AGBL4: variants seen among roughly 807,000 people sequenced by gnomAD.
AGBL4 encodes the protein AGBL carboxypeptidase 4.
In AGBL4, 58 loss-of-function variants were observed where a neutral mutation model predicts 66.4. The ratio of observed to expected loss-of-function variants is 0.87; its 90% confidence interval spans 0.71 to 1.09. The LOEUF is 1.09. Among genes scored for constraint, AGBL4 ranks in the 50% least tolerant of loss-of-function variants. AGBL4 has a pLI of 0.00. For synonymous variants in AGBL4, 234 were observed against 222.9 expected (o/e 1.05, Z -0.44); for missense variants, 579 against 631.0 (o/e 0.92, Z 0.88).
chr1:49,197,311 C>T (rs948025555), intron 4 of AGBL4, among the ~76,000 whole-genome samples: 1 of 152,166 alleles, frequency 6.6e-6, no homozygotes, highest in African/African-American at 2.4e-5. Context: ...TCCTGAGTAG[C>T]TGGGGTTGTG....
At chr1:49,120,613 T>C (rs946647961) in intron 4 of AGBL4, among the ~76,000 whole-genome samples, 2 of 152,212 alleles carry the variant, frequency 1.3e-5, no homozygotes, top group African/African-American at 4.8e-5. Context: ...CCTTTCTCTC[T>C]GGCTTCCCTT....
chr1:48,699,479 T>G (rs1052636693), intron 6 of AGBL4, among the ~76,000 whole-genome samples: 43 of 152,198 alleles, frequency 2.8e-4, no homozygotes, highest in African/African-American at 9.4e-4. Flanking sequence ...CAACCTGATG[T>G]TCAACTACCA....
chr1:49,248,595 C>G (rs927190543), intron 3 of AGBL4, among the ~76,000 whole-genome samples: 5 of 152,118 alleles, frequency 3.3e-5, no homozygotes, highest in African/African-American at 1.2e-4. Flanking sequence ...AATCCCAGTT[C>G]CCTACACGTT....
At chr1:49,027,658 C>G (rs1291120178) in intron 5 of AGBL4, among the ~76,000 whole-genome samples, 1 of 152,092 alleles carries the variant, frequency 6.6e-6, no homozygotes, top group Admixed American at 6.6e-5. Flanking sequence ...AGGCCACAAG[C>G]ACCTCTCACA....
intron 11 of AGBL4, among the ~76,000 whole-genome samples, chr1:48,573,423 C>T (rs1179455984): frequency 6.6e-6 from 1 of 152,136 alleles, no homozygotes; most frequent in Non-Finnish European, 1.5e-5. Context: ...TAACATATTT[C>T]CTCAACACCA....
chr1:48,685,767 G>T (rs1646521316), intron 6 of AGBL4, among the ~76,000 whole-genome samples: 1 of 152,126 alleles, frequency 6.6e-6, no homozygotes, highest in Admixed American at 6.5e-5. Flanking sequence ...GGTGCAAGCA[G>T]GAAAATGAAA....
intron 6 of AGBL4, among the ~76,000 whole-genome samples, chr1:48,807,294 A>C (rs1014523654): frequency 6.6e-6 from 1 of 152,210 alleles, no homozygotes; most frequent in African/African-American, 2.4e-5. Context: ...CATGTTGGTT[A>C]CATGAATGCA....
At chr1:49,901,050 ACAGAGT>A (rs1557562127) in intron 1 of AGBL4, among the ~76,000 whole-genome samples, 1 of 152,222 alleles carries the variant, frequency 6.6e-6, no homozygotes, top group East Asian at 1.9e-4. Context: ...ACAGTTAAGC[ACAGAGT>A]CAAAGGACCC....
chr1:49,918,886 G>T (rs1038411526), intron 1 of AGBL4, among the ~76,000 whole-genome samples: 4 of 152,056 alleles, frequency 2.6e-5, no homozygotes, highest in African/African-American at 4.8e-5. Context: ...TTATCCACCA[G>T]GATCAAGTGG....
chr1:49,232,327 C>T (rs1324816955), intron 4 of AGBL4, among the ~76,000 whole-genome samples: 1 of 151,916 alleles, frequency 6.6e-6, no homozygotes, highest in African/African-American at 2.4e-5. Flanking sequence ...GATTATAAAC[C>T]CTAAATTCAA....
intron 3 of AGBL4, among the ~76,000 whole-genome samples, chr1:49,559,372 G>T (rs1237109410): frequency 1.3e-5 from 2 of 152,086 alleles, no homozygotes; most frequent in Non-Finnish European, 2.9e-5. Flanking sequence ...ACTAGGCTTG[G>T]GATGTCATCT....
At chr1:49,982,358 G>C (rs1659125704) in intron 1 of AGBL4, among the ~76,000 whole-genome samples, 1 of 152,214 alleles carries the variant, frequency 6.6e-6, no homozygotes, top group Admixed American at 6.5e-5. Context: ...TGCACAGCTG[G>C]GTATGTGCAT....
intron 10 of AGBL4, among the ~76,000 whole-genome samples, chr1:48,590,312 A>G (rs1644893081): frequency 6.6e-6 from 1 of 151,472 alleles, no homozygotes; most frequent in African/African-American, 2.4e-5. Context: ...AGGCTGAGGC[A>G]GGAGAATCGC....
chr1:49,178,662 T>C (rs1646874009), intron 4 of AGBL4, among the ~76,000 whole-genome samples: 1 of 152,120 alleles, frequency 6.6e-6, no homozygotes. Context: ...AATTTAATCT[T>C]TATGAGAACA....
intron 11 of AGBL4, 109 bp downstream of exon 11, chr1:48,586,895 G>A (rs1192808849): frequency 7.1e-6 from 10 of 1,411,432 alleles, no homozygotes; most frequent in Middle Eastern, 1.8e-4. Flanking sequence ...ATCCTCACCT[G>A]AGAGTCTCAG....
At chr1:49,763,450 G>A (rs963916352) in intron 2 of AGBL4, among the ~76,000 whole-genome samples, 5 of 152,266 alleles carry the variant, frequency 3.3e-5, no homozygotes, top group East Asian at 1.9e-4. Flanking sequence ...CATCTCTCAC[G>A]TAGAGGAAAC....
At chr1:48,693,797 G>A (rs1646671786) in intron 6 of AGBL4, among the ~76,000 whole-genome samples, 1 of 152,196 alleles carries the variant, frequency 6.6e-6, no homozygotes, top group Non-Finnish European at 1.5e-5. Context: ...GGCACTGACA[G>A]CCTTCCGTGA....
At chr1:49,144,174 G>A (rs1233620525) in intron 4 of AGBL4, among the ~76,000 whole-genome samples, 1 of 152,146 alleles carries the variant, frequency 6.6e-6, no homozygotes, top group East Asian at 1.9e-4. Flanking sequence ...CCTAGAACCT[G>A]TGGAAAGAAT....
At chr1:49,974,193 A>G (rs1658372505) in intron 1 of AGBL4, among the ~76,000 whole-genome samples, 1 of 152,236 alleles carries the variant, frequency 6.6e-6, no homozygotes, top group Admixed American at 6.5e-5. Context: ...TACCAGAAAC[A>G]TGTAGACAAG....
Sources: allele counts gnomAD v4.1 joint callset (sites outside exome capture counted in the v4.1 genomes callset), GRCh38; gene constraint gnomAD v4.1.1; transcripts MANE v1.5; gene names NCBI Gene and HGNC (gene_info 2026-07-23, HGNC 2026-07-21).